Variants in PIK3C2B observed in about 807,000 individuals in gnomAD.
The protein encoded by PIK3C2B is phosphatidylinositol-4-phosphate 3-kinase catalytic subunit type 2 beta.
PIK3C2B carries 83 observed loss-of-function variants against 184.3 expected under a neutral mutation model. The observed-to-expected ratio is 0.45, with a 90% CI of 0.38 to 0.54. PIK3C2B has a LOEUF of 0.54. Among genes scored for constraint, PIK3C2B ranks in the 20% least tolerant of loss-of-function variants. The pLI, the probability that PIK3C2B is intolerant of heterozygous loss-of-function variation, is 0.00. For synonymous variants in PIK3C2B, 779 were observed against 837.6 expected (o/e 0.93, Z 1.21); for missense variants, 1,736 against 2,113.5 (o/e 0.82, Z 3.50).
At position 204,428,221 on chromosome 1, in the gene PIK3C2B, C is replaced by T. The variant is rs369480509; in HGVS notation, c.4399-1G>A. The T allele has an allele frequency of 1.9e-6, 3 of 1,604,252 alleles. No homozygotes were observed. Among genetic ancestry groups the T allele is most frequent in the Non-Finnish European group, 2.6e-6 (3 of 1,171,384 alleles). On this transcript the variant is annotated splice_acceptor_variant, in intron 29 of 32. Transcript: ENST00000684373. LOFTEE classifies it high-confidence loss of function. ...GGAAGAAGGTGTACACCAAATCACA[C>T]TGGAACAGAATCAGAAACAGGGCCA...
chr1:204,466,800 T>A, intron 2 of PIK3C2B: 1 of 525,780 alleles, frequency 1.9e-6, no homozygotes, highest in South Asian at 1.4e-5. Context: ...CCTGGTGGCA[T>A]CACCCGATGC....
At chr1:204,432,614 C>A (rs998238836) in intron 26 of PIK3C2B, among the ~76,000 whole-genome samples, 1 of 152,170 alleles carries the variant, frequency 6.6e-6, no homozygotes, top group Non-Finnish European at 1.5e-5. Flanking sequence ...ATCTCCTCCC[C>A]TGGCTGCCCA....
chr1:204,472,648 C>T (rs1393601503), intron 1 of PIK3C2B, among the ~76,000 whole-genome samples: 1 of 152,020 alleles, frequency 6.6e-6, no homozygotes, highest in Non-Finnish European at 1.5e-5. Flanking sequence ...GGCGTGGTGG[C>T]ACACGTCTAT....
intron 31 of PIK3C2B, among the ~76,000 whole-genome samples, chr1:204,426,782 C>G (rs1179585725): frequency 6.6e-6 from 1 of 152,144 alleles, no homozygotes; most frequent in African/African-American, 2.4e-5. Context: ...CCTGCCATAT[C>G]CCACTGCCCC....
At chr1:204,482,590 G>A (rs1207500793) in intron 1 of PIK3C2B, among the ~76,000 whole-genome samples, 1 of 152,120 alleles carries the variant, frequency 6.6e-6, no homozygotes, top group Non-Finnish European at 1.5e-5. Context: ...TTCGAGACCA[G>A]CCTGGGCAAC....
intron 14 of PIK3C2B, among the ~76,000 whole-genome samples, chr1:204,448,214 A>T (rs1654038232): frequency 6.6e-6 from 1 of 151,962 alleles, no homozygotes; most frequent in Non-Finnish European, 1.5e-5. Flanking sequence ...CCCCGGTTCA[A>T]GTGGTTCTCA....
rs144407659 is a variant in PIK3C2B at position 204,466,319 on chromosome 1, T to G, written c.934-1000A>C. Among the ~76,000 whole-genome samples the G allele has an allele frequency of 2.4e-3, 361 of 152,312 alleles. 1 individual carries two copies. Among genetic ancestry groups the G allele is most frequent in the Non-Finnish European group, 3.9e-3 (263 of 68,032 alleles). On this transcript the variant is annotated intron_variant, in intron 2 of 32. Transcript: ENST00000684373. ...GGAGTCTAGCTCCGGCCTGTGCACA[T>G]AGCAACGCCTCACATCTCTCACCCA...
At chr1:204,485,514 G>T (rs1657513007) in intron 1 of PIK3C2B, among the ~76,000 whole-genome samples, 1 of 151,328 alleles carries the variant, frequency 6.6e-6, no homozygotes, top group Admixed American at 6.6e-5. Context: ...ACCCCCTAAA[G>T]TATCTGCTCT....
intron 8 of PIK3C2B, among the ~76,000 whole-genome samples, chr1:204,458,551 T>C (rs551331611): frequency 6.6e-6 from 1 of 151,120 alleles, no homozygotes; most frequent in Admixed American, 6.6e-5. Flanking sequence ...TAGAGTGCAA[T>C]GGCGCGATCT....
chr1:204,427,873 A>G, intron 30 of PIK3C2B, 119 bp from the exon 31 acceptor site: 1 of 724,888 alleles, frequency 1.4e-6, no homozygotes, highest in Non-Finnish European at 2.4e-6. Context: ...TGAGGCATCT[A>G]CATAAGTGTA....
chr1:204,456,157 A>G, intron 10 of PIK3C2B, 106 bp from the exon 11 acceptor site: 1 of 800,040 alleles, frequency 1.2e-6, no homozygotes, highest in Non-Finnish European at 1.9e-6. Context: ...GTGGTCCCCA[A>G]ATGCTAGTCA....
At position 204,433,555 on chromosome 1, in the gene PIK3C2B, G is replaced by T. The variant is rs1675185018; in HGVS notation, c.3844-130C>A. Reference sequence around the variant, plus strand: ...TTCTAGAGGGTGGTAGACAGATGCTGTGGGCAGTGGCTGGAGGGCCACAGG... The same window carrying T: ...TTCTAGAGGGTGGTAGACAGATGCTTTGGGCAGTGGCTGGAGGGCCACAGG... On this transcript the variant is annotated intron_variant, in intron 25 of 32. Coordinates refer to ENST00000684373, the MANE Select transcript of PIK3C2B (RefSeq NM_001377334.1). This position sits in a 1 kb window ranked among gnomAD's most constrained non-coding sequence, Gnocchi z 5.0. The T allele has an allele frequency of 1.4e-6, 1 of 720,854 alleles. No homozygotes were observed. Among genetic ancestry groups the T allele is most frequent in the Non-Finnish European group, 2.4e-6 (1 of 422,972 alleles). 44.7% of individuals were successfully genotyped at this position (720,854 alleles called of 1,614,324 possible). A position where few individuals can be genotyped will look rare whatever the true frequency, so the allele number is the denominator to read the frequency against.
rs148284999 is a variant in PIK3C2B, at chr1:204,460,392, G to C, written c.1434C>G (p.Asp478Glu). Residue 478 changes from aspartate (D) to glutamate (E), a missense_variant, in exon 7 of 33, where the codon GAC becomes GAG. Transcript: ENST00000684373. ...RSDLARTVNDDQSPSTLNYLV... is the reference protein window; with the variant it reads ...RSDLARTVNDEQSPSTLNYLV... The stretch of plus-strand genomic sequence containing the variant: ...GGTAGTTCAAGGTGGAGGGGCTCTG[G>C]TCATCATTCACCTGTATAAGAAGTG... The C allele has an allele frequency of 9.3e-6, 15 of 1,613,672 alleles. No individual in the cohort carries two copies. Among genetic ancestry groups the C allele is most frequent in the Middle Eastern group, 1.7e-4 (1 of 6,056 alleles).
rs1675091628 is a variant in PIK3C2B at position 204,432,083 on chromosome 1, C to A, written c.4155+117G>T. The A allele has an allele frequency of 5.3e-6, 5 of 935,182 alleles. No individual in the cohort carries two copies. In the Admixed American group the frequency reaches 9.3e-5, roughly 17 times the overall value. The allele number at this position is 935,182 out of a possible 1,614,324, so 57.9% of individuals were successfully genotyped here. A position where few individuals can be genotyped will look rare whatever the true frequency, so the allele number is the denominator to read the frequency against. On this transcript the variant is annotated intron_variant, in intron 27 of 32. Transcript: ENST00000684373. ...GGAAGTGGTCCAGGACTGCTCCCAG[C>A]ACAGGACGCTCGGTCAACTCCTGTG...
Position 204,438,975 on chromosome 1 carries a change from C to T in PIK3C2B, c.3476G>A (p.Trp1159Ter). The T allele has an allele frequency of 6.2e-7, 1 of 1,614,102 alleles. No individual in the cohort carries two copies. The highest frequency in any genetic ancestry group is 8.5e-7 in the Non-Finnish European group (1 of 1,180,042). ...GSFKDRPLAD[W>*]LQKHNPGEDE... ...CTCCCCAGGGTTGTGTTTCTGCAGC[C>T]AGTCTGCCAGGGGCCGGTCCTTGAA... The change falls in exon 23 of 33, where the codon TGG (tryptophan) becomes TAG (stop). Residue 1159 changes from tryptophan (W) to a stop codon, truncating the protein, a stop_gained. Transcript: ENST00000684373. LOFTEE classifies it high-confidence loss of function.
intron 1 of PIK3C2B, among the ~76,000 whole-genome samples, chr1:204,476,532 A>G (rs1656725361): frequency 6.6e-6 from 1 of 152,146 alleles, no homozygotes; most frequent in African/African-American, 2.4e-5. Flanking sequence ...AGTGACAGAG[A>G]CCCTGTCTCA....
chr1:204,464,835 T>C (rs895392888), intron 3 of PIK3C2B, among the ~76,000 whole-genome samples: 1 of 152,192 alleles, frequency 6.6e-6, no homozygotes, highest in Non-Finnish European at 1.5e-5. Context: ...ACAGTACAAA[T>C]AGTTCTAAAA....
intron 1 of PIK3C2B, among the ~76,000 whole-genome samples, chr1:204,479,398 C>T (rs1203641599): frequency 6.6e-6 from 1 of 152,130 alleles, no homozygotes; most frequent in Non-Finnish European, 1.5e-5. Flanking sequence ...CCCAGGATGA[C>T]CTCCCCTGAC....
chr1:204,455,191 G>C (rs1572342541), intron 11 of PIK3C2B, among the ~76,000 whole-genome samples: 1 of 152,256 alleles, frequency 6.6e-6, no homozygotes. Context: ...CAACACACGG[G>C]GGTCCCTGTG....
Sources: gnomAD v4.1 joint callset for allele counts (sites outside exome capture counted in the v4.1 genomes callset) on GRCh38, gnomAD v4.1.1 for gene constraint, Gnocchi (gnomAD v3.1) non-coding constraint, MANE v1.5 for transcripts, NCBI Gene and HGNC (gene_info 2026-07-23, HGNC 2026-07-21) for gene names.